Variants in DGKB observed in about 807,000 individuals in gnomAD.
The protein encoded by DGKB is 90 kDa diacylglycerol kinase.
Under a neutral mutation model 114.3 loss-of-function variants are expected in DGKB, and 67 were observed. The observed-to-expected ratio is 0.59, with a 90% CI of 0.48 to 0.72. The LOEUF (loss-of-function observed/expected upper bound fraction) is 0.72, where lower values mean the gene tolerates loss of function less well. DGKB is among the 30% of genes least tolerant of loss of function. The probability of loss-of-function intolerance (pLI) is 0.00; values close to 1 mark genes in which losing one functional copy is unlikely to be tolerated. For missense variants in DGKB, 907 were observed against 975.2 expected (o/e 0.93, Z 0.93); for synonymous variants, 398 against 323.1 (o/e 1.23, Z -2.49).
At chr7:14,890,511 G>C (rs944840879) in intron 1 of DGKB, among the ~76,000 whole-genome samples, 7 of 151,362 alleles carry the variant, frequency 4.6e-5, no homozygotes, top group Admixed American at 3.3e-4. Flanking sequence ...CCTAGCACAA[G>C]TGACCACCCA....
chr7:14,835,585 C>T (rs967422822), intron 2 of DGKB, among the ~76,000 whole-genome samples: 50 of 152,076 alleles, frequency 3.3e-4, no homozygotes, highest in African/African-American at 1.1e-3. Context: ...GGGCTCAGGA[C>T]AGAAGTAAAA....
At chr7:14,413,216 C>T (rs76851618) in intron 21 of DGKB, among the ~76,000 whole-genome samples, 4,398 of 151,940 alleles carry the variant, frequency 0.029, 92 homozygotes, top group Non-Finnish European at 0.048. Flanking sequence ...AAAAACAATA[C>T]GCCATTTCAG....
At chr7:14,930,227 T>A (rs541093869) in intron 1 of DGKB, among the ~76,000 whole-genome samples, 53 of 152,260 alleles carry the variant, frequency 3.5e-4, no homozygotes, top group Middle Eastern at 3.4e-3. Flanking sequence ...TCCATATGAA[T>A]TTTAGGATTT....
At chr7:14,937,554 C>T (rs1409822909) in intron 1 of DGKB, among the ~76,000 whole-genome samples, 1 of 152,046 alleles carries the variant, frequency 6.6e-6, no homozygotes, top group Non-Finnish European at 1.5e-5. Flanking sequence ...AGCATCATTG[C>T]TAATATTAAA....
chr7:14,873,001 G>T (rs555331343), intron 1 of DGKB, among the ~76,000 whole-genome samples: 10 of 151,994 alleles, frequency 6.6e-5, no homozygotes, highest in South Asian at 2.1e-4. Context: ...GTAATCCCTT[G>T]CCTCCGATGC....
intron 2 of DGKB, among the ~76,000 whole-genome samples, chr7:14,821,469 G>A (rs1392424361): frequency 6.6e-6 from 1 of 152,142 alleles, no homozygotes; most frequent in Non-Finnish European, 1.5e-5. Context: ...GGCCAAGAGA[G>A]GTCTCATAGA....
intron 21 of DGKB, among the ~76,000 whole-genome samples, chr7:14,377,178 G>C (rs190328608): frequency 2.2e-4 from 34 of 152,296 alleles, no homozygotes; most frequent in African/African-American, 8.2e-4. Flanking sequence ...CTGACCCACA[G>C]TGCAGAATTG....
chr7:14,335,115 T>A (rs1294369109), intron 23 of DGKB, among the ~76,000 whole-genome samples: 1 of 152,186 alleles, frequency 6.6e-6, no homozygotes, highest in Non-Finnish European at 1.5e-5. Flanking sequence ...AATGAACTTA[T>A]TGAAGATATT....
At chr7:14,661,205 G>A (rs1249473364) in intron 13 of DGKB, among the ~76,000 whole-genome samples, 1 of 150,448 alleles carries the variant, frequency 6.6e-6, no homozygotes, top group Non-Finnish European at 1.5e-5. Context: ...TTGACAAATG[G>A]GATCTAATTA....
chr7:14,637,786 C>T (rs745776582), intron 13 of DGKB, among the ~76,000 whole-genome samples: 1 of 151,674 alleles, frequency 6.6e-6, no homozygotes, highest in Admixed American at 6.6e-5. Flanking sequence ...TTATTCTTAA[C>T]CTAAAATTTT....
At chr7:14,750,319 CCGTTTG>C in intron 4 of DGKB, 1 of 413,326 alleles carries the variant, frequency 2.4e-6, no homozygotes. Context: ...AATTGGTCTG[CCGTTTG>C]AGAAAAAAAA....
chr7:14,386,849 A>C (rs965902838), intron 21 of DGKB, among the ~76,000 whole-genome samples: 3 of 152,144 alleles, frequency 2.0e-5, no homozygotes, highest in African/African-American at 4.8e-5. Flanking sequence ...ATTTACATCA[A>C]TTAAAGTAAT....
intron 20 of DGKB, among the ~76,000 whole-genome samples, chr7:14,533,120 G>C (rs188163843): frequency 9.2e-5 from 14 of 151,786 alleles, no homozygotes; most frequent in African/African-American, 3.1e-4. Context: ...AACACAGATA[G>C]ACAACTAAAC....
chr7:14,356,622 A>G (rs1424299681), intron 21 of DGKB, among the ~76,000 whole-genome samples: 2 of 151,664 alleles, frequency 1.3e-5, no homozygotes, highest in East Asian at 3.9e-4. Context: ...AGCCTCCCAA[A>G]GTGCTGGGAT....
At chr7:14,214,629 A>G (rs1788668418) in intron 23 of DGKB, among the ~76,000 whole-genome samples, 1 of 152,140 alleles carries the variant, frequency 6.6e-6, no homozygotes. Context: ...AATAATCTTA[A>G]AAAACTGCTT....
intron 21 of DGKB, among the ~76,000 whole-genome samples, chr7:14,374,858 A>C (rs748692107): frequency 2.8e-4 from 43 of 152,138 alleles, no homozygotes; most frequent in Non-Finnish European, 5.6e-4. Flanking sequence ...TTGTCGTGAC[A>C]ATCAAAAATG....
intron 20 of DGKB, among the ~76,000 whole-genome samples, chr7:14,481,261 T>C (rs1467860577): frequency 2.0e-5 from 3 of 151,972 alleles, no homozygotes; most frequent in Non-Finnish European, 4.4e-5. Context: ...GGCTTATTTA[T>C]GTTTTAAGTA....
At chr7:14,474,199 A>T (rs991412936) in intron 21 of DGKB, among the ~76,000 whole-genome samples, 2 of 151,972 alleles carry the variant, frequency 1.3e-5, no homozygotes, top group African/African-American at 4.8e-5. Flanking sequence ...CATGGGGGTA[A>T]GTTTTTCCCA....
At chr7:14,292,729 A>G (rs965940117) in intron 23 of DGKB, among the ~76,000 whole-genome samples, 15 of 152,178 alleles carry the variant, frequency 9.9e-5, no homozygotes, top group African/African-American at 3.6e-4. Context: ...GCACTTACAG[A>G]GTGCCTCTGT....
Sources: gnomAD v4.1 joint callset for allele counts (sites outside exome capture counted in the v4.1 genomes callset) on GRCh38, gnomAD v4.1.1 for gene constraint, MANE v1.5 for transcripts, NCBI Gene and HGNC (gene_info 2026-07-23, HGNC 2026-07-21) for gene names.